XKR7: variants seen among roughly 807,000 people sequenced by gnomAD.
XKR7 encodes XK related 7.
In XKR7, 11 loss-of-function variants were observed where a neutral mutation model predicts 42.2. The observed-to-expected ratio is 0.26, with a 90% CI of 0.16 to 0.43. XKR7 has a LOEUF of 0.43. XKR7 is among the 20% of genes least tolerant of loss of function. The probability of loss-of-function intolerance (pLI) is 1.00; values close to 1 mark genes in which losing one functional copy is unlikely to be tolerated. For missense variants in XKR7, 710 were observed against 802.2 expected (o/e 0.89, Z 1.39); for synonymous variants, 346 against 366.4 (o/e 0.94, Z 0.64).
At chr20:31,984,727 G>A (rs1011975919) in intron 1 of XKR7, among the ~76,000 whole-genome samples, 8 of 152,178 alleles carry the variant, frequency 5.3e-5, no homozygotes, top group African/African-American at 1.7e-4. Context: ...TCAGGATCCT[G>A]CTGGGCAGCC....
In XKR7 at chr20:31,977,199, G is replaced by C. The variant is rs181104285; in HGVS notation, c.584+8440G>C. The stretch of plus-strand genomic sequence containing the variant: ...ACAGTTGTGGCTGACTTAGGAGATG[G>C]AGGAAGTCAAGTTCCTTGTATGCAG... On this transcript the variant is annotated intron_variant, in intron 1 of 2. Coordinates refer to ENST00000562532, the MANE Select transcript of XKR7 (RefSeq NM_001011718.2). Among the ~76,000 whole-genome samples the C allele has an allele frequency of 1.2e-4, 18 of 152,360 alleles. No homozygotes were observed. In the East Asian group the frequency reaches 3.5e-3, roughly 29 times the overall value.
Position 31,997,112 on chromosome 20 carries a change from C to T in XKR7, c.1395C>T (p.Pro465=), listed in dbSNP as rs923352369. The change falls in exon 3 of 3, where the codon CCC becomes CCT. Residue 465 remains proline, a synonymous_variant. Coordinates refer to ENST00000562532, the MANE Select transcript of XKR7 (RefSeq NM_001011718.2). ...FRKASEPCGP[P]ADAITSPPRS... is the part of the protein sequence containing the mutation. Reference sequence around the variant, plus strand: ...AGGCCTCAGAGCCCTGTGGCCCACCCGCTGACGCCATCACGAGTCCCCCCA... The same window carrying T: ...AGGCCTCAGAGCCCTGTGGCCCACCTGCTGACGCCATCACGAGTCCCCCCA... 2.5e-6 allele frequency: 4 copies of T among 1,613,174 alleles called. No homozygotes were observed. Among genetic ancestry groups the T allele is most frequent in the South Asian group, 2.2e-5 (2 of 91,090 alleles).
chr20:31,991,311 G>C (rs968750120), intron 1 of XKR7, among the ~76,000 whole-genome samples: 1 of 152,214 alleles, frequency 6.6e-6, no homozygotes, highest in East Asian at 1.9e-4. Flanking sequence ...ATGGGAAGGG[G>C]AAGGGAATGT....
intron 1 of XKR7, 137 bp from the exon 2 acceptor site, chr20:31,994,931 T>C (rs2064583857): frequency 3.5e-6 from 5 of 1,420,056 alleles, no homozygotes; most frequent in Non-Finnish European, 4.7e-6. Context: ...CCTTTCGAAA[T>C]GCCCATTTCA....
At chr20:31,987,108 C>G (rs2064545612) in intron 1 of XKR7, among the ~76,000 whole-genome samples, 1 of 149,258 alleles carries the variant, frequency 6.7e-6, no homozygotes, top group Non-Finnish European at 1.5e-5. Flanking sequence ...ACCAAGTAGA[C>G]CCAGCATCCA....
intron 1 of XKR7, among the ~76,000 whole-genome samples, chr20:31,985,857 G>A (rs1337099099): frequency 8.1e-6 from 1 of 122,810 alleles, no homozygotes; most frequent in African/African-American, 3.3e-5. Flanking sequence ...CCACCAAGCG[G>A]ACCCAGCATC....
intron 1 of XKR7, among the ~76,000 whole-genome samples, chr20:31,974,436 A>AT (rs2064476895): frequency 6.6e-6 from 1 of 152,190 alleles, no homozygotes; most frequent in African/African-American, 2.4e-5. Flanking sequence ...AATCAGCCAT[A>AT]TCCTGCACCT....
rs1453204971 is a variant in XKR7 at position 31,968,895 on chromosome 20, G to A, written c.584+136G>A. 4 of 1,352,250 alleles carry A rather than the reference G, an allele frequency of 3.0e-6. No individual in the cohort carries two copies. The African/African-American group carries it at 4.5e-5, about 15-fold the overall frequency. 83.8% of individuals were successfully genotyped at this position (1,352,250 alleles called of 1,614,324 possible). A position where few individuals can be genotyped will look rare whatever the true frequency, so the allele number is the denominator to read the frequency against. On this transcript the variant is annotated intron_variant, in intron 1 of 2. Transcript: ENST00000562532. This position sits in a 1 kb window ranked among gnomAD's most constrained non-coding sequence, Gnocchi z 4.5. ...CTCCCCCCCTCCCCACCCCATTGCA[G>A]CTCTAATTTCTTCTCAGTCGGCTTC...
At chr20:31,996,393 C>G (rs1294703626) in intron 2 of XKR7, 112 bp from the exon 3 acceptor site, 15 of 745,430 alleles carry the variant, frequency 2.0e-5, no homozygotes. Flanking sequence ...AGCTCCTTTC[C>G]TCACGCCTCT....
chr20:31,980,650 T>G (rs1027119978), intron 1 of XKR7, among the ~76,000 whole-genome samples: 1 of 152,192 alleles, frequency 6.6e-6, no homozygotes, highest in Non-Finnish European at 1.5e-5. Context: ...TGTCTTTCAC[T>G]CTTGCCCTCC....
In XKR7 at chr20:31,997,659, G is replaced by T; in HGVS notation, c.*202G>T. ...CCCTGGGCCCCGTTTTCAGCCTTGT[G>T]GCCCATTCCCTAAATTCCCCTGACC... is the stretch of plus-strand genomic sequence containing the variant. On this transcript the variant is annotated 3_prime_UTR_variant, in exon 3 of 3. Coordinates refer to ENST00000562532, the MANE Select transcript of XKR7 (RefSeq NM_001011718.2). 1 of 576,912 alleles carries T rather than the reference G, an allele frequency of 1.7e-6. No homozygotes were observed. The highest frequency in any genetic ancestry group is 3.3e-5 in the Admixed American group (1 of 30,070). 35.7% of individuals were successfully genotyped at this position (576,912 alleles called of 1,614,324 possible).
At chr20:31,988,001 T>C (rs1264038978) in intron 1 of XKR7, among the ~76,000 whole-genome samples, 3 of 152,152 alleles carry the variant, frequency 2.0e-5, no homozygotes, top group African/African-American at 7.2e-5. Flanking sequence ...TAGCCCTGCA[T>C]TCAAGGGACA....
intron 1 of XKR7, among the ~76,000 whole-genome samples, chr20:31,976,911 G>A (rs184322756): frequency 6.6e-6 from 1 of 152,316 alleles, no homozygotes; most frequent in African/African-American, 2.4e-5. Context: ...CTCCCATGGT[G>A]ACTAGCACAG....
chr20:31,991,443 C>T (rs1194815121), intron 1 of XKR7, among the ~76,000 whole-genome samples: 1 of 152,034 alleles, frequency 6.6e-6, no homozygotes, highest in African/African-American at 2.4e-5. Context: ...CTCTCTCTGC[C>T]CTTCCTGTAT....
At chr20:31,982,922 C>T (rs117059777) in intron 1 of XKR7, among the ~76,000 whole-genome samples, 1,587 of 152,260 alleles carry the variant, frequency 0.01, 21 homozygotes, top group Non-Finnish European at 0.015. Flanking sequence ...CTGAGCTGGG[C>T]GTTTTACACA....
chr20:31,994,944 G>A lies in XKR7; in HGVS notation c.585-124G>A, dbSNP rs1438578953. ...ATCCTTTCGAAATGCCCATTTCACAGCTGAGGAAACAGGCTCAGCGTAGGG... is the reference window on the plus strand; with the variant it reads ...ATCCTTTCGAAATGCCCATTTCACAACTGAGGAAACAGGCTCAGCGTAGGG... On this transcript the variant is annotated intron_variant, in intron 1 of 2. Transcript: ENST00000562532. 1.4e-5 allele frequency: 20 copies of A among 1,467,334 alleles called. No homozygotes were observed. The South Asian group carries it at 2.5e-4, about 18-fold the overall frequency. The allele number at this position is 1,467,334 out of a possible 1,614,324, so 90.9% of individuals were successfully genotyped here.
chr20:31,991,648 TCTAGTCTC>T (rs1189514484), intron 1 of XKR7, among the ~76,000 whole-genome samples: 1 of 152,144 alleles, frequency 6.6e-6, no homozygotes, highest in Non-Finnish European at 1.5e-5. Context: ...CCTTCACAAT[TCTAGTCTC>T]CTTATGTCCC....
At chr20:31,985,328 G>T (rs1208632766) in intron 1 of XKR7, among the ~76,000 whole-genome samples, 1 of 152,156 alleles carries the variant, frequency 6.6e-6, no homozygotes, top group Non-Finnish European at 1.5e-5. Context: ...AGAACTGTGA[G>T]GGGGAGTGGG....
At position 31,968,619 on chromosome 20, in the gene XKR7, C is replaced by T. The variant is rs1157275619; in HGVS notation, c.444C>T (p.Phe148=). 15 of 1,602,094 alleles carry T rather than the reference C, an allele frequency of 9.4e-6. No individual in the cohort carries two copies. The Admixed American group carries it at 2.5e-4, about 27-fold the overall frequency. ...GCACCAAGGACAGCGCCGGCGCCTTCCGGACCAAAGAAGGCAGCCCCGAGC... is the reference window on the plus strand; with the variant it reads ...GCACCAAGGACAGCGCCGGCGCCTTTCGGACCAAAGAAGGCAGCCCCGAGC... ...AISTKDSAGA[F]RTKEGSPEPG... Residue 148 remains phenylalanine, a synonymous_variant, in exon 1 of 3, where the codon TTC becomes TTT. Coordinates refer to ENST00000562532, the MANE Select transcript of XKR7 (RefSeq NM_001011718.2). The surrounding 1 kb of genome is among the most constrained non-coding windows in gnomAD (Gnocchi z 4.5).
Sources: gnomAD v4.1 joint callset for allele counts (sites outside exome capture counted in the v4.1 genomes callset) on GRCh38, gnomAD v4.1.1 for gene constraint, Gnocchi (gnomAD v3.1) non-coding constraint, MANE v1.5 for transcripts, NCBI Gene and HGNC (gene_info 2026-07-23, HGNC 2026-07-21) for gene names.